AP1G1: variants seen among roughly 807,000 people sequenced by gnomAD.
AP1G1 encodes the protein AP-1 complex subunit gamma-1.
A neutral mutation model predicts 108.3 loss-of-function variants in AP1G1; 7 were observed. The ratio of observed to expected loss-of-function variants is 0.06; its 90% CI spans 0.04 to 0.12. The LOEUF is 0.12. Among genes scored for constraint, AP1G1 ranks in the 10% least tolerant of loss-of-function variants. AP1G1 has a pLI of 1.00. For synonymous variants in AP1G1, 379 were observed against 353.5 expected, an observed-to-expected ratio of 1.07 and a Z score of -0.81; for missense variants, 756 against 1,010.7, an observed-to-expected ratio of 0.75 and a Z score of 3.42.
In AP1G1 at chr16:71,755,984, A is replaced by T. The variant is rs771762254; in HGVS notation, c.1229+35T>A. The stretch of plus-strand genomic sequence containing the variant: ...AAAGACACTTCCAAAAGTTCCAAGC[A>T]GACTTTACCAATAAAGGTAAAAATT... On this transcript the variant is annotated intron_variant, in intron 12 of 22. Transcript: ENST00000299980. 1.9e-6 allele frequency: 3 copies of T among 1,593,328 alleles called. No individual in the cohort carries two copies. In the South Asian group the frequency reaches 3.4e-5, roughly 18 times the overall value.
chr16:71,763,573 GAAGTGGCTCC>G (rs1384514009), intron 9 of AP1G1, among the ~76,000 whole-genome samples: 3 of 152,114 alleles, frequency 2.0e-5, no homozygotes, highest in African/African-American at 4.8e-5. Flanking sequence ...CATGAATTTG[GAAGTGGCTCC>G]AAGATAATGT....
chr16:71,750,475 C>T (rs764798759), intron 13 of AP1G1, 143 bp from the exon 14 acceptor site: 18 of 975,600 alleles, frequency 1.8e-5, no homozygotes, highest in South Asian at 3.3e-5. Flanking sequence ...AGTGCGATAG[C>T]GCGATCTTGG....
At position 71,732,971 on chromosome 16, in the gene AP1G1, G is replaced by C; in HGVS notation, c.*87C>G. On this transcript the variant is annotated 3_prime_UTR_variant, in exon 23 of 23. Transcript: ENST00000299980. ...TTCAGCTCCTCATGCCCGTGGTACAGTTGGGGGGGACTTGCCAGCAATCAC... is the reference window on the plus strand; with the variant it reads ...TTCAGCTCCTCATGCCCGTGGTACACTTGGGGGGGACTTGCCAGCAATCAC... 1.9e-6 allele frequency: 2 copies of C among 1,053,262 alleles called. No homozygotes were observed. Among genetic ancestry groups the C allele is most frequent in the South Asian group, 2.9e-5 (2 of 69,966 alleles). The allele number at this position is 1,053,262 out of a possible 1,614,324, so 65.2% of individuals were successfully genotyped here.
At chr16:71,767,905 C>G (rs2031379913) in intron 6 of AP1G1, 3 of 1,598,732 alleles carry the variant, frequency 1.9e-6, no homozygotes, top group Non-Finnish European at 2.5e-6. Flanking sequence ...AGCAGGATTC[C>G]AAACAGACAA....
At chr16:71,808,074 C>A in intron 1 of AP1G1, 2 of 1,179,438 alleles carry the variant, frequency 1.7e-6, no homozygotes, top group Non-Finnish European at 2.1e-6. Context: ...ACACAATCAA[C>A]CGAACCGTCC....
intron 21 of AP1G1, among the ~76,000 whole-genome samples, chr16:71,736,787 G>T (rs1204634099): frequency 7.0e-6 from 1 of 142,634 alleles, no homozygotes; most frequent in Non-Finnish European, 1.5e-5. Flanking sequence ...TAGAGACGGG[G>T]TTTCACCGTG....
intron 14 of AP1G1, 67 bp from the exon 15 acceptor site, chr16:71,750,050 T>G (rs1567644675): frequency 2.0e-6 from 3 of 1,501,258 alleles, no homozygotes; most frequent in East Asian, 4.5e-5. Flanking sequence ...ATGCAAATCA[T>G]AGGTCATCTC....
intron 13 of AP1G1, chr16:71,751,180 T>C (rs1005595475): frequency 2.0e-5 from 3 of 151,334 alleles, no homozygotes; most frequent in Admixed American, 6.6e-5. Flanking sequence ...AAAATTTCTC[T>C]TTGTCCAAAT....
At chr16:71,758,747 C>T in intron 11 of AP1G1, 61 bp downstream of exon 11, 1 of 968,088 alleles carries the variant, frequency 1.0e-6, no homozygotes, top group Non-Finnish European at 1.6e-6. Flanking sequence ...ATAGAGCTAT[C>T]AATAATCTGT....
intron 1 of AP1G1, among the ~76,000 whole-genome samples, chr16:71,799,341 G>A (rs2334878): frequency 4.1e-4 from 63 of 152,242 alleles, no homozygotes; most frequent in African/African-American, 1.4e-3. Flanking sequence ...GCATGTACAA[G>A]GATATTTATT....
intron 19 of AP1G1, 119 bp downstream of exon 19, chr16:71,745,025 T>C (rs996513449): frequency 4.6e-6 from 5 of 1,079,428 alleles, no homozygotes; most frequent in Non-Finnish European, 6.7e-6. Context: ...GACTCTTGCT[T>C]CTGATTTAGC....
At chr16:71,782,952 C>T (rs1241592282) in intron 2 of AP1G1, among the ~76,000 whole-genome samples, 1 of 152,096 alleles carries the variant, frequency 6.6e-6, no homozygotes, top group Non-Finnish European at 1.5e-5. Context: ...GATTTGGGAT[C>T]AGCCATCTTT....
At chr16:71,794,539 A>C (rs964136625) in intron 1 of AP1G1, among the ~76,000 whole-genome samples, 1 of 152,176 alleles carries the variant, frequency 6.6e-6, no homozygotes, top group African/African-American at 2.4e-5. Flanking sequence ...AAACAGAGGA[A>C]AAAAGGAAAC....
chr16:71,737,075 C>T (rs1353218386), intron 21 of AP1G1, among the ~76,000 whole-genome samples: 1 of 152,138 alleles, frequency 6.6e-6, no homozygotes, highest in Non-Finnish European at 1.5e-5. Context: ...AAAAGTGCTT[C>T]AAACAGTGCC....
rs1597045511 is a variant in AP1G1 at position 71,750,615 on chromosome 16, C to G, written c.1285-283G>C. On this transcript the variant is annotated intron_variant, in intron 13 of 22. Coordinates refer to ENST00000299980, the MANE Select transcript of AP1G1 (RefSeq NM_001128.6). ...ATTTTTAGTAGAGATGGGGTTTCAC[C>G]ATGTTGGTCAGGGTGGTCTCGAACT... 2.6e-5 allele frequency: 8 copies of G among 302,250 alleles called. No individual in the cohort carries two copies. In the South Asian group the frequency reaches 2.9e-4, roughly 11 times the overall value. The allele number at this position is 302,250 out of a possible 1,614,324, so 18.7% of individuals were successfully genotyped here.
intron 21 of AP1G1, among the ~76,000 whole-genome samples, chr16:71,735,481 G>C (rs1401991067): frequency 2.6e-5 from 4 of 152,094 alleles, no homozygotes; most frequent in African/African-American, 9.7e-5. Context: ...GGCCAACACA[G>C]TGAAACCCCG....
At chr16:71,746,780 G>C in intron 16 of AP1G1, 88 bp from the exon 17 acceptor site, 3 of 921,994 alleles carry the variant, frequency 3.3e-6, no homozygotes, top group Non-Finnish European at 4.9e-6. Flanking sequence ...AGAATTTTCT[G>C]GTTAAAATAC....
chr16:71,782,785 C>A (rs946456480), intron 2 of AP1G1, among the ~76,000 whole-genome samples: 1 of 151,996 alleles, frequency 6.6e-6, no homozygotes, highest in Non-Finnish European at 1.5e-5. Context: ...CATGCCCAGC[C>A]GATTATTATT....
chr16:71,757,319 C>T (rs1343508660), intron 11 of AP1G1, among the ~76,000 whole-genome samples: 1 of 151,606 alleles, frequency 6.6e-6, no homozygotes, highest in Non-Finnish European at 1.5e-5. Context: ...GGTGTGGTGG[C>T]AGGCGCCTGT....
Sources: allele counts gnomAD v4.1 joint callset (sites outside exome capture counted in the v4.1 genomes callset), GRCh38; gene constraint gnomAD v4.1.1; transcripts MANE v1.5; gene names NCBI Gene and HGNC (gene_info 2026-07-23, HGNC 2026-07-21).